Variants in VWA2 observed in about 807,000 individuals in gnomAD.
VWA2 encodes the protein von Willebrand factor A domain-containing protein 2.
In VWA2, 73 loss-of-function variants were observed where a neutral mutation model predicts 70.4. The observed-to-expected ratio is 1.04, with a 90% CI of 0.86 to 1.26. The LOEUF is 1.26. VWA2 is among the 50% of genes most tolerant of loss of function. The pLI is 0.00. For synonymous variants in VWA2, 407 were observed against 423.3 expected, an observed-to-expected ratio of 0.96 and a Z score of 0.47; for missense variants, 1,011 against 998.5, an observed-to-expected ratio of 1.01 and a Z score of -0.17.
At chr10:114,251,874 T>G (rs2037204141) in intron 2 of VWA2, among the ~76,000 whole-genome samples, 1 of 146,200 alleles carries the variant, frequency 6.8e-6, no homozygotes, top group Admixed American at 7.1e-5. Context: ...CAGGCTGGAG[T>G]GCAGTGGTGC....
At chr10:114,270,341 C>G (rs115363497) in intron 5 of VWA2, among the ~76,000 whole-genome samples, 312 of 152,330 alleles carry the variant, frequency 2.0e-3, no homozygotes, top group African/African-American at 7.0e-3. Context: ...CTGGACTCCT[C>G]TATTCCAGAG....
intron 3 of VWA2, among the ~76,000 whole-genome samples, chr10:114,254,176 A>C (rs899939786): frequency 1.3e-5 from 2 of 151,496 alleles, no homozygotes; most frequent in Non-Finnish European, 2.9e-5. Flanking sequence ...GGCTCAAGCA[A>C]TCCTCCTGCC....
At position 114,292,838 on chromosome 10, in the gene VWA2, T is replaced by C. The variant is rs1341479378; in HGVS notation, c.*1601T>C. Among the ~76,000 whole-genome samples, 1 of 152,026 alleles carries C rather than the reference T, an allele frequency of 6.6e-6. No individual in the cohort carries two copies. Among genetic ancestry groups the C allele is most frequent in the East Asian group, 1.9e-4 (1 of 5,176 alleles). On this transcript the variant is annotated 3_prime_UTR_variant, in exon 14 of 14. Transcript: ENST00000392982. Reference sequence around the variant, plus strand: ...CTCATGCCTCAGCCTCTTGAGTAGCTGGGATTAGAGGCAGGTGCCACCATG... The same window carrying C: ...CTCATGCCTCAGCCTCTTGAGTAGCCGGGATTAGAGGCAGGTGCCACCATG...
intron 1 of VWA2, among the ~76,000 whole-genome samples, chr10:114,242,123 A>G (rs1219884439): frequency 6.6e-6 from 1 of 152,000 alleles, no homozygotes; most frequent in African/African-American, 2.4e-5. Flanking sequence ...GAATGTGATT[A>G]CTACCCTCGG....
At chr10:114,271,643 A>ACACACACACACACACACACACAC in intron 5 of VWA2, among the ~76,000 whole-genome samples, 2 of 151,418 alleles carry the variant, frequency 1.3e-5, no homozygotes, top group African/African-American at 4.9e-5. Flanking sequence ...ACACACACAC[A>ACACACACACACACACACACACAC]GCAGGTAATG....
intron 5 of VWA2, among the ~76,000 whole-genome samples, chr10:114,269,716 A>G (rs148428454): frequency 2.0e-5 from 3 of 152,220 alleles, no homozygotes; most frequent in Admixed American, 6.5e-5. Context: ...ATGGGGAACA[A>G]GCACTTTTTC....
chr10:114,267,755 T>C (rs1349213079), intron 5 of VWA2, among the ~76,000 whole-genome samples: 1 of 152,096 alleles, frequency 6.6e-6, no homozygotes, highest in Non-Finnish European at 1.5e-5. Flanking sequence ...TATGAATTAT[T>C]TTTCTTAGTC....
At chr10:114,252,843 C>T (rs1471071169) in intron 2 of VWA2, among the ~76,000 whole-genome samples, 3 of 151,922 alleles carry the variant, frequency 2.0e-5, no homozygotes, top group Non-Finnish European at 2.9e-5. Context: ...AGGTGATCGG[C>T]CCACCTCGGT....
At chr10:114,284,747 AG>A in intron 9 of VWA2, 115 bp from the exon 10 acceptor site, 2 of 903,114 alleles carry the variant, frequency 2.2e-6, no homozygotes, top group Non-Finnish European at 3.3e-6. Flanking sequence ...CTGTGGGGGA[AG>A]GGAGGGGCTG....
At chr10:114,289,774 A>G in intron 12 of VWA2, 1 of 471,540 alleles carries the variant, frequency 2.1e-6, no homozygotes, top group Non-Finnish European at 3.9e-6. Flanking sequence ...TAGAATATCC[A>G]CAAGCTTCCT....
chr10:114,242,478 C>T (rs1381966015), intron 1 of VWA2, among the ~76,000 whole-genome samples: 1 of 152,094 alleles, frequency 6.6e-6, no homozygotes, highest in Non-Finnish European at 1.5e-5. Context: ...TGTACCAGTG[C>T]CTCTGCATAC....
At chr10:114,271,415 A>C (rs1182501642) in intron 5 of VWA2, among the ~76,000 whole-genome samples, 1 of 152,194 alleles carries the variant, frequency 6.6e-6, no homozygotes, top group Non-Finnish European at 1.5e-5. Flanking sequence ...CCTGGTCCAT[A>C]AATCCTTCCC....
At chr10:114,264,301 A>G (rs1163664640) in intron 5 of VWA2, among the ~76,000 whole-genome samples, 3 of 152,288 alleles carry the variant, frequency 2.0e-5, no homozygotes, top group African/African-American at 7.2e-5. Context: ...ATGGAATACT[A>G]TTCAACTGTA....
chr10:114,284,346 A>C (rs770328134), intron 9 of VWA2, among the ~76,000 whole-genome samples: 20 of 152,206 alleles, frequency 1.3e-4, no homozygotes, highest in Non-Finnish European at 2.2e-4. Context: ...TTCAGTTCCC[A>C]TCACTCCTTT....
intron 5 of VWA2, among the ~76,000 whole-genome samples, chr10:114,265,536 G>A (rs1349913803): frequency 6.6e-6 from 1 of 152,200 alleles, no homozygotes; most frequent in Non-Finnish European, 1.5e-5. Context: ...GCCCTGGCCA[G>A]GATCAGTGGG....
intron 4 of VWA2, among the ~76,000 whole-genome samples, chr10:114,260,518 T>G (rs1020498587): frequency 6.6e-6 from 1 of 151,760 alleles, no homozygotes; most frequent in Non-Finnish European, 1.5e-5. Context: ...GGTTGTGGGG[T>G]GGCTGTGGTT....
chr10:114,279,135 G>T lies in VWA2; in HGVS notation c.833+284G>T, dbSNP rs571943909. On this transcript the variant is annotated intron_variant, in intron 8 of 13. Transcript: ENST00000392982. ...GTGAGCCAAGTGCTGGCCCTGCAGG[G>T]CGGTGGTCTGCACTTGGGATATTGA... 2.4e-4 allele frequency among the ~76,000 whole-genome samples: 37 copies of T among 152,284 alleles called. No individual in the cohort carries two copies. The South Asian group carries it at 7.5e-3, about 31-fold the overall frequency.
At chr10:114,265,255 G>A (rs1589753640) in intron 5 of VWA2, among the ~76,000 whole-genome samples, 1 of 152,162 alleles carries the variant, frequency 6.6e-6, no homozygotes, top group South Asian at 2.1e-4. Context: ...TGTTATGTAA[G>A]TTATCAATAA....
At chr10:114,269,131 G>C (rs1053365475) in intron 5 of VWA2, among the ~76,000 whole-genome samples, 2 of 152,244 alleles carry the variant, frequency 1.3e-5, no homozygotes, top group Admixed American at 1.3e-4. Flanking sequence ...CTGAGGTAGA[G>C]AGGGTGACAG....
Sources: gnomAD v4.1 joint callset for allele counts (sites outside exome capture counted in the v4.1 genomes callset) on GRCh38, gnomAD v4.1.1 for gene constraint, MANE v1.5 for transcripts, NCBI Gene and HGNC (gene_info 2026-07-23, HGNC 2026-07-21) for gene names.